ZNF704: variants seen among roughly 807,000 people sequenced by gnomAD.
The protein encoded by ZNF704 is zinc finger protein 704.
In ZNF704, 10 loss-of-function variants were observed where a neutral mutation model predicts 44.7. The ratio of observed to expected loss-of-function variants is 0.22; its 90% CI spans 0.14 to 0.38. The LOEUF (loss-of-function observed/expected upper bound fraction) is 0.38, where lower values mean the gene tolerates loss of function less well. ZNF704 is among the 10% of genes least tolerant of loss of function. ZNF704 has a pLI of 1.00. For synonymous variants in ZNF704, 211 were observed against 207.6 expected, an observed-to-expected ratio of 1.02 and a Z score of -0.14; for missense variants, 390 against 545.5, an observed-to-expected ratio of 0.71 and a Z score of 2.84.
chr8:80,875,950 AG>A (rs943361420), upstream of ZNF704, among the ~76,000 whole-genome samples: 2 of 152,194 alleles, frequency 1.3e-5, no homozygotes, highest in African/African-American at 4.8e-5. Context: ...AGCCCAAAAT[AG>A]CGGTATCATT....
At chr8:80,759,920 A>C (rs1340740646) in intron 2 of ZNF704, among the ~76,000 whole-genome samples, 1 of 152,140 alleles carries the variant, frequency 6.6e-6, no homozygotes, top group Non-Finnish European at 1.5e-5. Flanking sequence ...CACCCAGCTA[A>C]TTAAAAAAAT....
At chr8:80,733,537 A>G (rs955335609) in intron 2 of ZNF704, among the ~76,000 whole-genome samples, 1 of 152,216 alleles carries the variant, frequency 6.6e-6, no homozygotes, top group Non-Finnish European at 1.5e-5. Context: ...GGGCCAATCT[A>G]CTTCACTCTT....
rs1468552092 is a variant in ZNF704, at chr8:80,666,906, T to G, written c.660-1824A>C. ...GTAGGTTGCGAAAATTTTCTCCCAT[T>G]TTGTAGGTTGCCTGTTCACTCTGAT... On this transcript the variant is annotated intron_variant, in intron 5 of 8. Coordinates refer to ENST00000327835, the MANE Select transcript of ZNF704 (RefSeq NM_001033723.3). Among the ~76,000 whole-genome samples the G allele has an allele frequency of 2.6e-5, 4 of 151,846 alleles. No individual in the cohort carries two copies. The South Asian group carries it at 8.4e-4, about 32-fold the overall frequency.
At chr8:80,870,740 A>G (rs1809237976) in intron 1 of ZNF704, among the ~76,000 whole-genome samples, 1 of 151,654 alleles carries the variant, frequency 6.6e-6, no homozygotes, top group Non-Finnish European at 1.5e-5. Context: ...GGCCCCCTGC[A>G]CTCCCTTAAA....
chr8:80,653,099 C>T (rs201156691), intron 7 of ZNF704, among the ~76,000 whole-genome samples: 19 of 150,774 alleles, frequency 1.3e-4, no homozygotes, highest in South Asian at 2.1e-4. Context: ...GCAGAAAAGG[C>T]CTTCGACAAA....
chr8:80,738,374 T>TA (rs536197614), intron 2 of ZNF704, among the ~76,000 whole-genome samples: 4 of 152,210 alleles, frequency 2.6e-5, no homozygotes, highest in African/African-American at 9.6e-5. Flanking sequence ...GATTCTTTTG[T>TA]AAAAAAGGTT....
chr8:80,849,228 T>C (rs1808818067), intron 1 of ZNF704, among the ~76,000 whole-genome samples: 1 of 152,198 alleles, frequency 6.6e-6, no homozygotes. Context: ...ACCTCATTTA[T>C]TACAGAATAC....
chr8:80,736,597 G>A (rs1406620066), intron 2 of ZNF704, among the ~76,000 whole-genome samples: 1 of 152,146 alleles, frequency 6.6e-6, no homozygotes, highest in Non-Finnish European at 1.5e-5. Context: ...TATCGTGGCT[G>A]CCCATGAAAA....
At chr8:80,770,752 A>C (rs888968864) in intron 2 of ZNF704, among the ~76,000 whole-genome samples, 1 of 152,142 alleles carries the variant, frequency 6.6e-6, no homozygotes, top group South Asian at 2.1e-4. Context: ...TTTAGTGTCA[A>C]TTCTAAGACT....
At chr8:80,862,539 C>A (rs1809083019) in intron 1 of ZNF704, among the ~76,000 whole-genome samples, 1 of 146,158 alleles carries the variant, frequency 6.8e-6, no homozygotes, top group African/African-American at 2.6e-5. Context: ...GCAGGCAGAT[C>A]ACCTGAGGGC....
chr8:80,726,031 T>C (rs1249741648), intron 2 of ZNF704, among the ~76,000 whole-genome samples: 4 of 151,758 alleles, frequency 2.6e-5, no homozygotes. Flanking sequence ...ATTATGGTCT[T>C]GTTTATATAC....
intron 1 of ZNF704, among the ~76,000 whole-genome samples, chr8:80,851,151 C>T (rs1158053447): frequency 6.6e-6 from 1 of 152,096 alleles, no homozygotes; most frequent in East Asian, 1.9e-4. Flanking sequence ...GTAAGAAATA[C>T]AGTGTTTGTG....
At chr8:80,708,925 A>T (rs1055840465) in intron 2 of ZNF704, among the ~76,000 whole-genome samples, 1 of 152,126 alleles carries the variant, frequency 6.6e-6, no homozygotes, top group Admixed American at 6.6e-5. Context: ...AGCTTATGAT[A>T]AGGAGTTAGC....
intron 2 of ZNF704, among the ~76,000 whole-genome samples, chr8:80,779,781 T>C (rs1353121261): frequency 6.6e-6 from 1 of 151,864 alleles, no homozygotes; most frequent in Non-Finnish European, 1.5e-5. Context: ...CTCTACAGGA[T>C]AACCGTCTTT....
chr8:80,876,560 G>A (rs1351843549), upstream of ZNF704, among the ~76,000 whole-genome samples: 2 of 152,160 alleles, frequency 1.3e-5, no homozygotes, highest in Non-Finnish European at 2.9e-5. Flanking sequence ...TAGTAGTTAG[G>A]CACATGGTCT....
intron 2 of ZNF704, among the ~76,000 whole-genome samples, chr8:80,747,716 T>TTTTG (rs751964356): frequency 4.6e-5 from 7 of 152,154 alleles, no homozygotes; most frequent in South Asian, 2.1e-4. Flanking sequence ...AAAATGGTTT[T>TTTTG]TTTGTTTGTT....
intron 4 of ZNF704, among the ~76,000 whole-genome samples, chr8:80,677,122 C>T (rs936413702): frequency 1.3e-5 from 2 of 152,200 alleles, no homozygotes; most frequent in Non-Finnish European, 2.9e-5. Flanking sequence ...ACCAATGAGT[C>T]AGTCAGATGT....
intron 6 of ZNF704, among the ~76,000 whole-genome samples, chr8:80,662,549 C>T (rs1482179859): frequency 6.6e-6 from 1 of 152,300 alleles, no homozygotes; most frequent in East Asian, 1.9e-4. Context: ...AAATTTATTA[C>T]ACTAACTAAT....
At chr8:80,790,138 C>G (rs533721858) in intron 2 of ZNF704, among the ~76,000 whole-genome samples, 15 of 152,188 alleles carry the variant, frequency 9.9e-5, no homozygotes, top group African/African-American at 3.4e-4. Flanking sequence ...TCAGTATCCT[C>G]CGGGTTAGGG....
Sources: allele counts gnomAD v4.1 joint callset (sites outside exome capture counted in the v4.1 genomes callset), GRCh38; gene constraint gnomAD v4.1.1; transcripts MANE v1.5; gene names NCBI Gene and HGNC (gene_info 2026-07-23, HGNC 2026-07-21).